Variants in EXOC6 observed in about 807,000 individuals in gnomAD.
EXOC6 encodes SEC15-like 1.
Under a neutral mutation model 112.5 loss-of-function variants are expected in EXOC6, and 60 were observed. The ratio of observed to expected loss-of-function variants is 0.53; its 90% CI spans 0.43 to 0.66. EXOC6 has a LOEUF of 0.66. Ranked by LOEUF, EXOC6 falls within the 30% of genes least tolerant of loss-of-function variation. The pLI, the probability that EXOC6 is intolerant of heterozygous loss-of-function variation, is 0.00. For missense variants in EXOC6, 855 were observed against 957.1 expected, an observed-to-expected ratio of 0.89 and a Z score of 1.41; for synonymous variants, 295 against 308.0, an observed-to-expected ratio of 0.96 and a Z score of 0.44.
chr10:92,976,125 G>C lies in EXOC6; in HGVS notation c.1953+1893G>C, dbSNP rs865934902. On this transcript the variant is annotated intron_variant, in intron 18 of 21. Transcript: ENST00000260762. ...GCGCCTCTGCCCGGCCACCCCTACTGGGAAGTGAGGAGCCCCTCTGCCGGG... is the reference window on the plus strand; with the variant it reads ...GCGCCTCTGCCCGGCCACCCCTACTCGGAAGTGAGGAGCCCCTCTGCCGGG... 3.2e-3 allele frequency among the ~76,000 whole-genome samples: 488 copies of C among 152,032 alleles called. 2 individuals are homozygous for C. The highest frequency in any genetic ancestry group is 0.011 in the African/African-American group (463 of 41,504).
chr10:93,025,271 G>T (rs1844975640), intron 20 of EXOC6, among the ~76,000 whole-genome samples: 1 of 152,130 alleles, frequency 6.6e-6, no homozygotes, highest in African/African-American at 2.4e-5. Flanking sequence ...TGAAATTGTG[G>T]TATTTGGATT....
At chr10:92,899,481 C>T in intron 4 of EXOC6, 118 bp from the exon 5 acceptor site, 1 of 637,554 alleles carries the variant, frequency 1.6e-6, no homozygotes, top group Non-Finnish European at 2.7e-6. Context: ...ATTAGCCTAA[C>T]TCAAGTTGTA....
At chr10:92,899,727 G>T (rs1230271045) in intron 5 of EXOC6, 83 bp downstream of exon 5, 4 of 1,037,300 alleles carry the variant, frequency 3.9e-6, no homozygotes, top group Non-Finnish European at 5.8e-6. Context: ...ATAAATCATA[G>T]TGAATCATGA....
intron 6 of EXOC6, among the ~76,000 whole-genome samples, chr10:92,911,419 G>A (rs1035546955): frequency 6.6e-6 from 1 of 152,078 alleles, no homozygotes; most frequent in Non-Finnish European, 1.5e-5. Flanking sequence ...ACAAGCGCTT[G>A]GTAAATTTTT....
At chr10:92,973,391 T>C (rs987955188) in intron 17 of EXOC6, among the ~76,000 whole-genome samples, 1 of 152,252 alleles carries the variant, frequency 6.6e-6, no homozygotes, top group Non-Finnish European at 1.5e-5. Context: ...AAGATTTAGC[T>C]GTTTTTCTTG....
At chr10:92,992,287 CA>C (rs35924745) in intron 18 of EXOC6, among the ~76,000 whole-genome samples, 324 of 74,178 alleles carry the variant, frequency 4.4e-3, no homozygotes, top group African/African-American at 9.3e-3. Context: ...GACTCTGTCT[CA>C]AAAAAAAAAA....
chr10:92,995,774 A>G (rs1016045652), intron 18 of EXOC6, among the ~76,000 whole-genome samples: 25 of 152,272 alleles, frequency 1.6e-4, no homozygotes, highest in African/African-American at 6.0e-4. Context: ...GTTCATCAGT[A>G]TCTGTCAAAT....
intron 7 of EXOC6, 47 bp downstream of exon 7, chr10:92,915,960 C>A: frequency 7.5e-7 from 1 of 1,336,684 alleles, no homozygotes; most frequent in Non-Finnish European, 1.0e-6. Context: ...AATTTTTTTT[C>A]TTTTGGATTG....
chr10:92,995,549 A>G (rs186276122), intron 18 of EXOC6, among the ~76,000 whole-genome samples: 1 of 152,334 alleles, frequency 6.6e-6, no homozygotes, highest in African/African-American at 2.4e-5. Flanking sequence ...ATTAGGTCAA[A>G]ATGACATTTC....
chr10:92,863,670 T>C (rs1315989399), intron 1 of EXOC6, among the ~76,000 whole-genome samples: 2 of 151,970 alleles, frequency 1.3e-5, no homozygotes, highest in Non-Finnish European at 2.9e-5. Context: ...CCCAGCACTT[T>C]GGGAGGCCGA....
intron 20 of EXOC6, among the ~76,000 whole-genome samples, chr10:93,033,864 T>A (rs779983220): frequency 6.6e-6 from 1 of 152,162 alleles, no homozygotes; most frequent in Non-Finnish European, 1.5e-5. Context: ...GAGATAAAGT[T>A]GAAGACAAAG....
intron 20 of EXOC6, among the ~76,000 whole-genome samples, chr10:93,039,642 GAGA>G (rs1032459267): frequency 6.6e-6 from 1 of 152,162 alleles, no homozygotes; most frequent in African/African-American, 2.4e-5. Context: ...TCCTTCATCT[GAGA>G]AGATTAAAAT....
At chr10:93,006,900 C>T (rs527509478) in intron 19 of EXOC6, among the ~76,000 whole-genome samples, 1 of 152,236 alleles carries the variant, frequency 6.6e-6, no homozygotes, top group South Asian at 2.1e-4. Flanking sequence ...GATCTTAAAA[C>T]TTTAGCTTAG....
chr10:93,007,798 T>C (rs1018589026), intron 19 of EXOC6, among the ~76,000 whole-genome samples: 1 of 152,252 alleles, frequency 6.6e-6, no homozygotes, highest in Non-Finnish European at 1.5e-5. Context: ...GTTAGGCTGA[T>C]ATAGCAGAGT....
chr10:92,896,946 C>G (rs1321940367), intron 4 of EXOC6, among the ~76,000 whole-genome samples: 2 of 151,966 alleles, frequency 1.3e-5, no homozygotes, highest in Non-Finnish European at 2.9e-5. Context: ...GGTATATTTA[C>G]GTAAAAACTT....
chr10:93,047,281 A>T (rs1163683160), intron 20 of EXOC6, among the ~76,000 whole-genome samples: 2 of 152,174 alleles, frequency 1.3e-5, no homozygotes, highest in East Asian at 3.9e-4. Flanking sequence ...TCACGCCTAT[A>T]ATCCCAGCAC....
chr10:92,889,023 A>G (rs1050505092), intron 1 of EXOC6, among the ~76,000 whole-genome samples: 1 of 152,202 alleles, frequency 6.6e-6, no homozygotes, highest in Non-Finnish European at 1.5e-5. Flanking sequence ...ATGAAACACT[A>G]AATGTAAAAA....
intron 12 of EXOC6, among the ~76,000 whole-genome samples, chr10:92,939,252 A>C (rs1321760533): frequency 2.0e-5 from 3 of 152,078 alleles, no homozygotes; most frequent in Non-Finnish European, 2.9e-5. Flanking sequence ...TAGTTTAGGA[A>C]GCTTTTACAA....
intron 17 of EXOC6, among the ~76,000 whole-genome samples, chr10:92,971,952 C>T (rs1241201866): frequency 6.6e-6 from 1 of 152,144 alleles, no homozygotes; most frequent in African/African-American, 2.4e-5. Flanking sequence ...TGTTGTTTCT[C>T]CCATCTGTTG....
Sources: allele counts gnomAD v4.1 joint callset (sites outside exome capture counted in the v4.1 genomes callset), GRCh38; gene constraint gnomAD v4.1.1; transcripts MANE v1.5; gene names NCBI Gene and HGNC (gene_info 2026-07-23, HGNC 2026-07-21).